The following TGFA variants were observed in gnomAD, a reference collection of about 807,000 sequenced individuals.
The protein encoded by TGFA is transforming growth factor alpha.
TGFA carries 12 observed loss-of-function variants against 21.7 expected under a neutral mutation model. The ratio of observed to expected loss-of-function variants is 0.55; its 90% confidence interval spans 0.35 to 0.90. The LOEUF (loss-of-function observed/expected upper bound fraction) is 0.90, where lower values mean the gene tolerates loss of function less well. Among genes scored for constraint, TGFA ranks in the 40% least tolerant of loss-of-function variants. TGFA has a pLI of 0.01. For synonymous variants in TGFA, 79 were observed against 88.1 expected, an observed-to-expected ratio of 0.90 and a Z score of 0.58; for missense variants, 178 against 210.8, an observed-to-expected ratio of 0.84 and a Z score of 0.96.
Position 70,450,691 on chromosome 2 carries a change from G to T in TGFA, c.*168C>A. The T allele has an allele frequency of 1.5e-6, 1 of 677,878 alleles. No homozygotes were observed. Among genetic ancestry groups the T allele is most frequent in the Non-Finnish European group, 2.6e-6 (1 of 386,330 alleles). The allele number at this position is 677,878 out of a possible 1,614,324, so 42.0% of individuals were successfully genotyped here. Reference sequence around the variant, plus strand: ...TCACACTGAATAACCCCAAGCAGACGGAGTTCTTGACAGAGTTTTGAAGGC... The same window carrying T: ...TCACACTGAATAACCCCAAGCAGACTGAGTTCTTGACAGAGTTTTGAAGGC... On this transcript the variant is annotated 3_prime_UTR_variant, in exon 6 of 6. Transcript: ENST00000295400.
intron 1 of TGFA, among the ~76,000 whole-genome samples, chr2:70,539,900 T>C (rs942939128): frequency 8.5e-5 from 13 of 152,216 alleles, no homozygotes; most frequent in African/African-American, 3.1e-4. Flanking sequence ...GTTCCACATA[T>C]GCCATGGCAT....
Position 70,486,340 on chromosome 2 carries a change from T to C in TGFA, c.95-20604A>G, listed in dbSNP as rs1671271131. 2.6e-5 allele frequency among the ~76,000 whole-genome samples: 4 copies of C among 152,278 alleles called. No individual in the cohort carries two copies. The South Asian group carries it at 8.3e-4, about 32-fold the overall frequency. On this transcript the variant is annotated intron_variant, in intron 2 of 5. Transcript: ENST00000295400. ...GTGTCTGAGTACCTCTAAGGTATAC[T>C]CCTCTTGGTTGTATGAGACCCCAAC...
At chr2:70,543,100 C>T (rs1399180746) in intron 1 of TGFA, among the ~76,000 whole-genome samples, 2 of 151,260 alleles carry the variant, frequency 1.3e-5, no homozygotes, top group Non-Finnish European at 2.9e-5. Flanking sequence ...TGAAACTCCA[C>T]CTAAAAAAAA....
At chr2:70,543,303 G>A (rs1286818837) in intron 1 of TGFA, among the ~76,000 whole-genome samples, 1 of 150,588 alleles carries the variant, frequency 6.6e-6, no homozygotes, top group Non-Finnish European at 1.5e-5. Flanking sequence ...TGAGGCAGGT[G>A]GATCTCTTGA....
At chr2:70,497,853 G>A (rs782161317) in intron 2 of TGFA, among the ~76,000 whole-genome samples, 4 of 152,164 alleles carry the variant, frequency 2.6e-5, no homozygotes, top group Admixed American at 6.5e-5. Context: ...TATCAAATGC[G>A]CAAATCTGTA....
At chr2:70,451,613 C>T in intron 5 of TGFA, 1 of 608,854 alleles carries the variant, frequency 1.6e-6, no homozygotes, top group Non-Finnish European at 2.9e-6. Context: ...GAAACTTACT[C>T]CACCCCAAAT....
At chr2:70,541,404 C>G (rs528985145) in intron 1 of TGFA, among the ~76,000 whole-genome samples, 85 of 152,296 alleles carry the variant, frequency 5.6e-4, no homozygotes, top group African/African-American at 1.9e-3. Flanking sequence ...ATACAAATAT[C>G]TGTATCCTTG....
At chr2:70,535,430 T>C (rs1346555014) in intron 1 of TGFA, among the ~76,000 whole-genome samples, 1 of 152,246 alleles carries the variant, frequency 6.6e-6, no homozygotes, top group Non-Finnish European at 1.5e-5. Context: ...AATATGTAGA[T>C]ACATAGCATC....
In TGFA at chr2:70,485,911, C is replaced by T. The variant is rs1367376296; in HGVS notation, c.95-20175G>A. Among the ~76,000 whole-genome samples, 5 of 152,174 alleles carry T rather than the reference C, an allele frequency of 3.3e-5. No homozygotes were observed. The East Asian group carries it at 7.7e-4, about 23-fold the overall frequency. Reference sequence around the variant, plus strand: ...TACTAATTGGCTACATCAGGGGCAACGCTGTATCCTTCAGCAGGAAGTCAC... The same window carrying T: ...TACTAATTGGCTACATCAGGGGCAATGCTGTATCCTTCAGCAGGAAGTCAC... On this transcript the variant is annotated intron_variant, in intron 2 of 5. Coordinates refer to ENST00000295400, the MANE Select transcript of TGFA (RefSeq NM_003236.4).
chr2:70,515,810 A>G (rs1411394544), intron 1 of TGFA, among the ~76,000 whole-genome samples: 1 of 152,196 alleles, frequency 6.6e-6, no homozygotes, highest in African/African-American at 2.4e-5. Context: ...GCAGGGAGAT[A>G]TTAATAAGCA....
intron 1 of TGFA, among the ~76,000 whole-genome samples, chr2:70,534,170 T>A (rs1014373603): frequency 2.0e-5 from 3 of 152,342 alleles, no homozygotes; most frequent in South Asian, 2.1e-4. Context: ...CTATTTTTGT[T>A]CTCATCTGCT....
chr2:70,501,219 T>C (rs1181400150), intron 2 of TGFA, among the ~76,000 whole-genome samples: 1 of 152,070 alleles, frequency 6.6e-6, no homozygotes, highest in Admixed American at 6.6e-5. Context: ...TCAAAAAAAT[T>C]TTAAAGAAAA....
chr2:70,538,174 G>GA (rs1295125035), intron 1 of TGFA, among the ~76,000 whole-genome samples: 5 of 150,700 alleles, frequency 3.3e-5, no homozygotes, highest in Non-Finnish European at 5.9e-5. Context: ...CTACTGCTCA[G>GA]AAAAAAAAAG....
intron 2 of TGFA, chr2:70,467,516 TTTTGTCCAAAGTAAA>T (rs1420275034): frequency 2.6e-5 from 4 of 152,164 alleles, no homozygotes; most frequent in African/African-American, 9.7e-5. Context: ...TCCACTCCCA[TTTTGTCCAAAGTAAA>T]TTTGAGGCAT....
At chr2:70,540,615 C>A (rs1256700213) in intron 1 of TGFA, among the ~76,000 whole-genome samples, 1 of 152,170 alleles carries the variant, frequency 6.6e-6, no homozygotes, top group Non-Finnish European at 1.5e-5. Flanking sequence ...CACAGAAAAT[C>A]ATTTCTACCC....
intron 1 of TGFA, among the ~76,000 whole-genome samples, chr2:70,528,406 A>G (rs1672705067): frequency 6.6e-6 from 1 of 151,532 alleles, no homozygotes; most frequent in Non-Finnish European, 1.5e-5. Flanking sequence ...CCTCACTCTC[A>G]CACTGGGAGC....
chr2:70,500,024 A>C (rs1553498895), intron 2 of TGFA, among the ~76,000 whole-genome samples: 1 of 152,266 alleles, frequency 6.6e-6, no homozygotes, highest in Non-Finnish European at 1.5e-5. Context: ...TGTTACTTCA[A>C]TAAACAAGCA....
intron 1 of TGFA, among the ~76,000 whole-genome samples, chr2:70,525,658 G>A (rs1201208738): frequency 6.6e-6 from 1 of 152,110 alleles, no homozygotes; most frequent in African/African-American, 2.4e-5. Flanking sequence ...GAAAGGCCTG[G>A]GCAACAAGTG....
chr2:70,541,908 T>G (rs1399769775), intron 1 of TGFA, among the ~76,000 whole-genome samples: 1 of 152,126 alleles, frequency 6.6e-6, no homozygotes, highest in Non-Finnish European at 1.5e-5. Context: ...CTGTCATTGT[T>G]GAAATTTGCT....
Sources: gnomAD v4.1 joint callset for allele counts (sites outside exome capture counted in the v4.1 genomes callset) on GRCh38, gnomAD v4.1.1 for gene constraint, MANE v1.5 for transcripts, NCBI Gene and HGNC (gene_info 2026-07-23, HGNC 2026-07-21) for gene names.